Variants in PRC1 observed in about 807,000 individuals in gnomAD.
PRC1 encodes protein regulator of cytokinesis 1, also known as anaphase spindle elongation 1 homolog.
A neutral mutation model predicts 91.2 loss-of-function variants in PRC1; 54 were observed. The ratio of observed to expected loss-of-function variants is 0.59; its 90% CI spans 0.48 to 0.74. PRC1 has a LOEUF of 0.74. PRC1 is among the 30% of genes least tolerant of loss of function. The pLI, the probability that PRC1 is intolerant of heterozygous loss-of-function variation, is 0.00. For synonymous variants in PRC1, 275 were observed against 263.6 expected, an observed-to-expected ratio of 1.04 and a Z score of -0.42; for missense variants, 727 against 746.2, an observed-to-expected ratio of 0.97 and a Z score of 0.30.
chr15:90,967,771 G>A (rs1409989130), intron 14 of PRC1: 1 of 910,590 alleles, frequency 1.1e-6, no homozygotes, highest in East Asian at 1.2e-4. Flanking sequence ...AGTACACTCT[G>A]ATATGTGCAC....
chr15:90,969,631 G>C lies in PRC1; in HGVS notation c.1573-8C>G, dbSNP rs199909836. 67 of 1,584,132 alleles carry C rather than the reference G, an allele frequency of 4.2e-5. No individual in the cohort carries two copies. Among genetic ancestry groups the C allele is most frequent in the Non-Finnish European group, 5.7e-5 (66 of 1,162,970 alleles). ...GGTGGAAGCAGCGACTGGCTGCAGA[G>C]AAAGGAAAGAGATCCATGTATCATC... On this transcript the variant is annotated splice_region_variant and splice_polypyrimidine_tract_variant and intron_variant, in intron 12 of 14. Coordinates refer to ENST00000394249, the MANE Select transcript of PRC1 (RefSeq NM_003981.4).
intron 1 of PRC1, among the ~76,000 whole-genome samples, chr15:90,987,430 A>C (rs1424173841): frequency 6.6e-6 from 1 of 152,180 alleles, no homozygotes; most frequent in African/African-American, 2.4e-5. Context: ...CTGAGTTTAC[A>C]CTTGATTTCT....
chr15:90,989,022 T>G (rs1018101773), intron 1 of PRC1, among the ~76,000 whole-genome samples: 1 of 152,024 alleles, frequency 6.6e-6, no homozygotes, highest in African/African-American at 2.4e-5. Flanking sequence ...TAGACATTTC[T>G]CCAAAGAAGA....
In PRC1 at chr15:90,966,776, C is replaced by G. The variant is rs971274629; in HGVS notation, c.*355G>C. On this transcript the variant is annotated 3_prime_UTR_variant, in exon 15 of 15. Coordinates refer to ENST00000394249, the MANE Select transcript of PRC1 (RefSeq NM_003981.4). The stretch of plus-strand genomic sequence containing the variant: ...ACAGGTATACATGCCAAAATTACCC[C>G]CAGGGATGGGCATAGTCAATCATTT... 1 of 431,530 alleles carries G rather than the reference C, an allele frequency of 2.3e-6. No homozygotes were observed. Among genetic ancestry groups the G allele is most frequent in the African/African-American group, 2.0e-5 (1 of 49,990 alleles). The allele number at this position is 431,530 out of a possible 1,614,324, so 26.7% of individuals were successfully genotyped here. A position where few individuals can be genotyped will look rare whatever the true frequency, so the allele number is the denominator to read the frequency against.
In PRC1 at chr15:90,966,063, T is replaced by C. The variant is rs1272054906; in HGVS notation, c.*1068A>G. 2 of 152,248 alleles carry C rather than the reference T, an allele frequency of 1.3e-5. No homozygotes were observed. Among genetic ancestry groups the C allele is most frequent in the Non-Finnish European group, 2.9e-5 (2 of 68,068 alleles). 9.4% of individuals were successfully genotyped at this position (152,248 alleles called of 1,614,324 possible). On this transcript the variant is annotated 3_prime_UTR_variant, in exon 15 of 15. Transcript: ENST00000394249. The stretch of plus-strand genomic sequence containing the variant: ...TCTTTTTGAAATGTAAGTATACAGA[T>C]TTTAATTTATTTTTAAGAATAATTG...
rs769269643 is a variant in PRC1 at position 90,984,057 on chromosome 15, C to T, written c.228G>A (p.Leu76=). The change falls in exon 3 of 15, where the codon CTG becomes CTA. Residue 76 remains leucine (L), a synonymous_variant. Transcript: ENST00000394249. The surrounding 1 kb of genome is among the most constrained non-coding windows in gnomAD (Gnocchi z 5.1). The stretch of plus-strand genomic sequence containing the variant: ...CATGTAACTCGCTGCACAGAGTGTT[C>T]AGCTCTTTCTGACAGACGGATATGC... ...IKSISVCQKE[L]NTLCSELHVE... is the part of the protein sequence containing the mutation. The T allele has an allele frequency of 6.2e-7, 1 of 1,614,132 alleles. No individual in the cohort carries two copies. Among genetic ancestry groups the T allele is most frequent in the Admixed American group, 1.7e-5 (1 of 60,018 alleles).
At chr15:90,991,454 TA>T (rs1247171874) in intron 1 of PRC1, among the ~76,000 whole-genome samples, 1 of 151,684 alleles carries the variant, frequency 6.6e-6, no homozygotes, top group Admixed American at 6.6e-5. Context: ...ATTTTACTAA[TA>T]TATAACGTAT....
At chr15:90,983,905 CG>C in intron 3 of PRC1, 112 bp downstream of exon 3, 2 of 1,377,554 alleles carry the variant, frequency 1.5e-6, no homozygotes, top group Non-Finnish European at 2.0e-6. Context: ...CCACTTCTTA[CG>C]TCTAGCTCCA....
rs1245834837 is a variant in PRC1 at position 90,981,825 on chromosome 15, T to A, written c.424A>T (p.Ile142Phe). 1.2e-6 allele frequency: 2 copies of A among 1,614,232 alleles called. No homozygotes were observed. Reference sequence around the variant, plus strand: ...AAGCTGGGCACTGAGGCACTGTCAATATCATAGTGGGGCATACAAAGAATT... The same window carrying A: ...AAGCTGGGCACTGAGGCACTGTCAAAATCATAGTGGGGCATACAAAGAATT... ...CEILCMPHYD[I>F]DSASVPSLEE... The change falls in exon 4 of 15, where the codon ATT (isoleucine) becomes TTT (phenylalanine). Residue 142 changes from isoleucine to phenylalanine, a missense_variant. By Grantham distance (21) the Ile-to-Phe change is conservative. Transcript: ENST00000394249.
chr15:90,981,389 T>C, intron 5 of PRC1, 110 bp downstream of exon 5: 1 of 1,288,364 alleles, frequency 7.8e-7, no homozygotes. Context: ...CTTCCCTCAT[T>C]CTCTTACCTT....
At chr15:90,977,229 A>G (rs1015337974) in intron 8 of PRC1, 1 of 152,858 alleles carries the variant, frequency 6.5e-6, no homozygotes, top group African/African-American at 2.4e-5. Flanking sequence ...CAAGTAATGC[A>G]GTGGGAGTGG....
rs1298531973 is a variant in PRC1, at chr15:90,981,496, T to C, written c.672+3A>G. 1 of 1,613,732 alleles carries C rather than the reference T, an allele frequency of 6.2e-7. No individual in the cohort carries two copies. Among genetic ancestry groups the C allele is most frequent in the Non-Finnish European group, 8.5e-7 (1 of 1,180,022 alleles). ...CCTAGGGCATAATTTGAGAAGACAGTACCTGCCGTAGCAACTTTTGTAGTG... is the reference window on the plus strand; with the variant it reads ...CCTAGGGCATAATTTGAGAAGACAGCACCTGCCGTAGCAACTTTTGTAGTG... On this transcript the variant is annotated splice_donor_region_variant and intron_variant, in intron 5 of 14. Transcript: ENST00000394249.
chr15:90,977,807 C>T (rs553824745), intron 8 of PRC1, among the ~76,000 whole-genome samples: 7 of 152,096 alleles, frequency 4.6e-5, no homozygotes, highest in African/African-American at 1.7e-4. Flanking sequence ...AAGATGGTCT[C>T]GATCTCTTGA....
intron 8 of PRC1, chr15:90,977,237 T>C (rs1201425004): frequency 6.6e-6 from 1 of 152,230 alleles, no homozygotes; most frequent in South Asian, 2.1e-4. Context: ...GCAGTGGGAG[T>C]GGGAGAGGAA....
At chr15:90,976,073 G>A (rs895367829) in intron 9 of PRC1, among the ~76,000 whole-genome samples, 6 of 152,014 alleles carry the variant, frequency 3.9e-5, no homozygotes, top group South Asian at 2.1e-4. Context: ...TGCCCAGTCC[G>A]TAGTGTTTTG....
rs766866331 is a variant in PRC1 at position 90,979,282 on chromosome 15, T to C, written c.983A>G (p.Glu328Gly). 4.3e-6 allele frequency: 7 copies of C among 1,614,022 alleles called. No individual in the cohort carries two copies. In the South Asian group the frequency reaches 7.7e-5, roughly 18 times the overall value. The stretch of plus-strand genomic sequence containing the variant: ...AGCATCGTGGAGCTGGAGCAGACTT[T>C]CTGTGTAGTCCTCTGCAAAATATAG... ...FAPFCAEDYT[E>G]SLLQLHDAEI... The change falls in exon 8 of 15, where the codon GAA becomes GGA. Residue 328 changes from glutamate to glycine, a missense_variant. Transcript: ENST00000394249.
intron 1 of PRC1, among the ~76,000 whole-genome samples, chr15:90,986,755 G>A (rs1034998330): frequency 3.3e-5 from 5 of 151,816 alleles, no homozygotes; most frequent in African/African-American, 4.8e-5. Flanking sequence ...TCTTGATGGC[G>A]ATTATACAAC....
chr15:90,979,011 T>C, intron 8 of PRC1, 147 bp downstream of exon 8: 2 of 1,042,976 alleles, frequency 1.9e-6, no homozygotes, highest in East Asian at 5.2e-5. Context: ...GATAAGCTTA[T>C]CAAACAGAGG....
intron 14 of PRC1, chr15:90,968,749 T>TC: frequency 8.6e-7 from 1 of 1,161,324 alleles, no homozygotes; most frequent in South Asian, 2.1e-5. Flanking sequence ...GGGGCTCCCT[T>TC]CCCCATGTGA....
Sources: allele counts gnomAD v4.1 joint callset (sites outside exome capture counted in the v4.1 genomes callset), GRCh38; gene constraint gnomAD v4.1.1; non-coding constraint Gnocchi (gnomAD v3.1); transcripts MANE v1.5; gene names NCBI Gene and HGNC (gene_info 2026-07-23, HGNC 2026-07-21).